Variants in EFR3B observed in about 807,000 individuals in gnomAD.
The protein encoded by EFR3B is protein EFR3 homolog B.
A neutral mutation model predicts 104.7 loss-of-function variants in EFR3B; 64 were observed. The ratio of observed to expected loss-of-function variants is 0.61; its 90% CI spans 0.50 to 0.75. The LOEUF is 0.75. EFR3B is among the 30% of genes least tolerant of loss of function. The pLI is 0.00. For missense variants in EFR3B, 750 were observed against 1,078.5 expected (o/e 0.70, Z 4.27); for synonymous variants, 385 against 417.9 (o/e 0.92, Z 0.96).
Position 25,130,415 on chromosome 2 carries a change from C to A in EFR3B, c.771-137C>A. 1.2e-6 allele frequency: 1 copy of A among 840,850 alleles called. No individual in the cohort carries two copies. Among genetic ancestry groups the A allele is most frequent in the Non-Finnish European group, 2.0e-6 (1 of 510,930 alleles). 52.1% of individuals were successfully genotyped at this position (840,850 alleles called of 1,614,324 possible). A position where few individuals can be genotyped will look rare whatever the true frequency, so the allele number is the denominator to read the frequency against. On this transcript the variant is annotated intron_variant, in intron 7 of 22. Transcript: ENST00000403714. This position sits in a 1 kb window ranked among gnomAD's most constrained non-coding sequence, Gnocchi z 4.6. ...GCACTGGACTGGGACTACCCCAAGG[C>A]CCTTCAGGCTTCACTTCCTCACCCG...
At chr2:25,126,726 G>C (rs768544677) in intron 5 of EFR3B, among the ~76,000 whole-genome samples, 47 of 151,802 alleles carry the variant, frequency 3.1e-4, no homozygotes, top group Non-Finnish European at 5.7e-4. Context: ...GAACTCCTGA[G>C]CTCAAGCTAT....
chr2:25,075,039 G>A (rs972492422), intron 1 of EFR3B, among the ~76,000 whole-genome samples: 19 of 152,300 alleles, frequency 1.2e-4, no homozygotes, highest in Admixed American at 3.3e-4. Context: ...AACATCCTGC[G>A]TAACTATAGT....
rs768572033 is a variant in EFR3B, at chr2:25,130,982, A to G, written c.849+352A>G. Among the ~76,000 whole-genome samples, 49 of 152,272 alleles carry G rather than the reference A, an allele frequency of 3.2e-4. No homozygotes were observed. The highest frequency in any genetic ancestry group is 6.0e-4 in the Non-Finnish European group (41 of 68,046). On this transcript the variant is annotated intron_variant, in intron 8 of 22. Coordinates refer to ENST00000403714, the MANE Select transcript of EFR3B (RefSeq NM_014971.2). This position sits in a 1 kb window ranked among gnomAD's most constrained non-coding sequence, Gnocchi z 4.6. Reference sequence around the variant, plus strand: ...CCCATCCTTATCTCAGTGTAAACCAATATCAGACCTATCTTGAATGGGCAC... The same window carrying G: ...CCCATCCTTATCTCAGTGTAAACCAGTATCAGACCTATCTTGAATGGGCAC...
At chr2:25,093,879 A>T (rs1319625835) in intron 3 of EFR3B, among the ~76,000 whole-genome samples, 1 of 152,258 alleles carries the variant, frequency 6.6e-6, no homozygotes, top group Non-Finnish European at 1.5e-5. Flanking sequence ...TGAAATATTT[A>T]TCAATCTTCT....
intron 11 of EFR3B, 38 bp downstream of exon 11, chr2:25,133,052 TC>T (rs1558615546): frequency 6.6e-7 from 1 of 1,518,468 alleles, no homozygotes; most frequent in South Asian, 1.2e-5. Flanking sequence ...AGTCCTCCTC[TC>T]CCCCAGCTGC....
At chr2:25,094,300 AAG>A in intron 3 of EFR3B, among the ~76,000 whole-genome samples, 1 of 150,200 alleles carries the variant, frequency 6.7e-6, no homozygotes. Flanking sequence ...AAAAAAAAAA[AAG>A]AAAAAAGAAA....
At chr2:25,095,908 A>G (rs1330096100) in intron 3 of EFR3B, among the ~76,000 whole-genome samples, 2 of 152,216 alleles carry the variant, frequency 1.3e-5, no homozygotes, top group East Asian at 3.8e-4. Context: ...TACAATTCAG[A>G]GACCAAATGT....
chr2:25,079,279 G>A (rs1021508189), intron 1 of EFR3B, among the ~76,000 whole-genome samples: 2 of 152,216 alleles, frequency 1.3e-5, no homozygotes, highest in African/African-American at 4.8e-5. Context: ...GGTGGCAGGT[G>A]TTCAGGAGGC....
rs1670292750 is a variant in EFR3B, at chr2:25,130,257, T to C, written c.770+148T>C. The C allele has an allele frequency of 3.0e-6, 4 of 1,327,760 alleles. No homozygotes were observed. Among genetic ancestry groups the C allele is most frequent in the Non-Finnish European group, 4.1e-6 (4 of 982,228 alleles). 82.2% of individuals were successfully genotyped at this position (1,327,760 alleles called of 1,614,324 possible). A position where few individuals can be genotyped will look rare whatever the true frequency, so the allele number is the denominator to read the frequency against. ...ATCCCTTCCCTGTGCCTGTGTTCCC[T>C]GCACTGTGACAGCAAAAGCTGCCAC... On this transcript the variant is annotated intron_variant, in intron 7 of 22. Transcript: ENST00000403714. The surrounding 1 kb of genome is among the most constrained non-coding windows in gnomAD (Gnocchi z 4.6).
chr2:25,128,286 G>T lies in EFR3B; in HGVS notation c.589G>T (p.Val197Phe). 1.3e-6 allele frequency: 2 copies of T among 1,551,870 alleles called. No homozygotes were observed. Among genetic ancestry groups the T allele is most frequent in the Non-Finnish European group, 1.7e-6 (2 of 1,147,046 alleles). ...IWDPQHMDKIVPSLLFNLQHV... is the reference protein window; with the variant it reads ...IWDPQHMDKIFPSLLFNLQHV... The stretch of plus-strand genomic sequence containing the variant: ...GGACCCACAGCACATGGATAAGATC[G>T]TTCCATCACTGCTTTTCAATCTACA... The change falls in exon 6 of 23, where the codon GTT becomes TTT. Residue 197 changes from valine (V) to phenylalanine (F), a missense_variant. Physicochemically the swap from Val to Phe is conservative, Grantham distance 50 (BLOSUM62 -1). Transcript: ENST00000403714.
intron 4 of EFR3B, among the ~76,000 whole-genome samples, chr2:25,118,130 C>A (rs180740677): frequency 1.3e-5 from 2 of 152,226 alleles, no homozygotes; most frequent in African/African-American, 4.8e-5. Context: ...CAGGCGCGTA[C>A]CGCCATGCCT....
At chr2:25,116,863 C>T (rs529385819) in intron 4 of EFR3B, among the ~76,000 whole-genome samples, 63 of 152,140 alleles carry the variant, frequency 4.1e-4, no homozygotes, top group Admixed American at 9.2e-4. Context: ...TTTTCTACCT[C>T]GCACCACCTC....
At chr2:25,109,570 A>G (rs140105117) in intron 4 of EFR3B, among the ~76,000 whole-genome samples, 334 of 152,372 alleles carry the variant, frequency 2.2e-3, no homozygotes, top group Non-Finnish European at 3.7e-3. Context: ...GTTGTACACA[A>G]TTGTTCATAG....
In EFR3B at chr2:25,131,232, T is replaced by A; in HGVS notation, c.850-136T>A. On this transcript the variant is annotated intron_variant, in intron 8 of 22. Coordinates refer to ENST00000403714, the MANE Select transcript of EFR3B (RefSeq NM_014971.2). This position sits in a 1 kb window ranked among gnomAD's most constrained non-coding sequence, Gnocchi z 7.6. ...AGGATCCAGTAAAGGGCACGAGGTGTCAGTGCCAACTGCAGTGCCCGGGGC... is the reference window on the plus strand; with the variant it reads ...AGGATCCAGTAAAGGGCACGAGGTGACAGTGCCAACTGCAGTGCCCGGGGC... The A allele has an allele frequency of 8.5e-7, 1 of 1,175,192 alleles. No individual in the cohort carries two copies. The highest frequency in any genetic ancestry group is 2.7e-5 in the Admixed American group (1 of 37,720). 72.8% of individuals were successfully genotyped at this position (1,175,192 alleles called of 1,614,324 possible). A position where few individuals can be genotyped will look rare whatever the true frequency, so the allele number is the denominator to read the frequency against.
chr2:25,118,153 G>A (rs1669914401), intron 4 of EFR3B, among the ~76,000 whole-genome samples: 1 of 151,928 alleles, frequency 6.6e-6, no homozygotes, highest in Non-Finnish European at 1.5e-5. Context: ...CAAATTTTTT[G>A]TATTTTTAGT....
intron 21 of EFR3B, among the ~76,000 whole-genome samples, chr2:25,152,696 G>T (rs1399429148): frequency 6.6e-6 from 1 of 152,106 alleles, no homozygotes; most frequent in African/African-American, 2.4e-5. Context: ...TATTAGCCCC[G>T]AATGTCAAGC....
rs1209293355 is a variant in EFR3B, at chr2:25,158,749, C to CA, written c.*4410dup. The CA allele has an allele frequency of 6.6e-6, 1 of 152,316 alleles. No individual in the cohort carries two copies. Among genetic ancestry groups the CA allele is most frequent in the Middle Eastern group, 3.2e-3 (1 of 316 alleles). The allele number at this position is 152,316 out of a possible 1,614,324, so 9.4% of individuals were successfully genotyped here. A position where few individuals can be genotyped will look rare whatever the true frequency, so the allele number is the denominator to read the frequency against. On this transcript the variant is annotated 3_prime_UTR_variant, in exon 23 of 23. Transcript: ENST00000403714. ...ACCTTCCCCTTCCAAGCTCTCCCCC[C>CA]ATGACTGTTGATTTCTGGCGCGTGG...
intron 4 of EFR3B, among the ~76,000 whole-genome samples, chr2:25,110,123 G>A (rs1159728640): frequency 6.6e-6 from 1 of 151,656 alleles, no homozygotes; most frequent in Non-Finnish European, 1.5e-5. Flanking sequence ...TGCCCCTCAC[G>A]AGATCTCACC....
intron 4 of EFR3B, among the ~76,000 whole-genome samples, chr2:25,111,196 C>T (rs1669715574): frequency 6.6e-6 from 1 of 152,202 alleles, no homozygotes; most frequent in Non-Finnish European, 1.5e-5. Context: ...TTACAGATGC[C>T]AAGTGTGATC....
Sources: gnomAD v4.1 joint callset for allele counts (sites outside exome capture counted in the v4.1 genomes callset) on GRCh38, gnomAD v4.1.1 for gene constraint, Gnocchi (gnomAD v3.1) non-coding constraint, MANE v1.5 for transcripts, NCBI Gene and HGNC (gene_info 2026-07-23, HGNC 2026-07-21) for gene names.